Variants in RASGRP3 observed in about 807,000 individuals in gnomAD.
RASGRP3 encodes ras guanyl-releasing protein 3.
Under a neutral mutation model 82.7 loss-of-function variants are expected in RASGRP3, and 54 were observed. The observed-to-expected ratio is 0.65, with a 90% CI of 0.52 to 0.82. The LOEUF (loss-of-function observed/expected upper bound fraction) is 0.82. Among genes scored for constraint, RASGRP3 ranks in the 40% least tolerant of loss-of-function variants. RASGRP3 has a pLI of 0.00. For missense variants in RASGRP3, 861 were observed against 828.9 expected, an observed-to-expected ratio of 1.04 and a Z score of -0.48; for synonymous variants, 309 against 300.5, an observed-to-expected ratio of 1.03 and a Z score of -0.29.
At chr2:33,560,840 C>T (rs1676569848) in intron 17 of RASGRP3, among the ~76,000 whole-genome samples, 1 of 152,194 alleles carries the variant, frequency 6.6e-6, no homozygotes, top group South Asian at 2.1e-4. Flanking sequence ...TTACTATTGG[C>T]CTCTCACAGT....
chr2:33,484,788 A>G (rs1356194100), intron 1 of RASGRP3, among the ~76,000 whole-genome samples: 1 of 152,234 alleles, frequency 6.6e-6, no homozygotes, highest in African/African-American at 2.4e-5. Context: ...TAGAGAAGTC[A>G]TATACCTTGT....
chr2:33,442,609 A>G (rs1665286343), intron 1 of RASGRP3, among the ~76,000 whole-genome samples: 1 of 152,218 alleles, frequency 6.6e-6, no homozygotes. Flanking sequence ...AGCATAATCC[A>G]TTGTAATGGA....
intron 2 of RASGRP3, among the ~76,000 whole-genome samples, chr2:33,514,762 CA>C (rs1359839579): frequency 6.6e-6 from 1 of 152,020 alleles, no homozygotes; most frequent in East Asian, 1.9e-4. Flanking sequence ...TAAAAAATTT[CA>C]GCAGTGAAGT....
intron 14 of RASGRP3, among the ~76,000 whole-genome samples, chr2:33,552,590 G>C (rs541376018): frequency 3.2e-4 from 49 of 152,228 alleles, no homozygotes; most frequent in African/African-American, 1.1e-3. Flanking sequence ...CTATAGATGT[G>C]TCATTGAAAG....
chr2:33,511,910 A>T (rs1670963946), intron 2 of RASGRP3, 68 bp downstream of exon 2: 2 of 152,638 alleles, frequency 1.3e-5, no homozygotes, highest in African/African-American at 4.8e-5. Context: ...TGCCTAGAGA[A>T]ACTAAAAGAA....
intron 3 of RASGRP3, among the ~76,000 whole-genome samples, chr2:33,515,407 G>A (rs1041328066): frequency 6.6e-6 from 1 of 152,092 alleles, no homozygotes; most frequent in South Asian, 2.1e-4. Flanking sequence ...TCATACCCCA[G>A]TCAAACTGTC....
intron 2 of RASGRP3, among the ~76,000 whole-genome samples, chr2:33,512,054 G>T (rs989974639): frequency 1.3e-5 from 2 of 152,202 alleles, no homozygotes; most frequent in Non-Finnish European, 2.9e-5. Context: ...AAAGGTAGTT[G>T]TAGACACAAT....
intron 1 of RASGRP3, among the ~76,000 whole-genome samples, chr2:33,501,123 C>T (rs950847491): frequency 2.6e-5 from 4 of 152,132 alleles, no homozygotes; most frequent in Non-Finnish European, 2.9e-5. Flanking sequence ...TCCTTTCTGT[C>T]GCTATAGATT....
intron 11 of RASGRP3, among the ~76,000 whole-genome samples, chr2:33,535,403 A>G (rs1673510331): frequency 6.6e-6 from 1 of 152,256 alleles, no homozygotes; most frequent in Admixed American, 6.5e-5. Flanking sequence ...CTTGCTTCTT[A>G]TAATCACATC....
intron 13 of RASGRP3, 142 bp from the exon 14 acceptor site, chr2:33,549,462 C>T: frequency 1.2e-6 from 1 of 810,396 alleles, no homozygotes. Flanking sequence ...AGGTTTGCTC[C>T]TTCTCTGAGA....
intron 14 of RASGRP3, 62 bp downstream of exon 14, chr2:33,549,813 T>C (rs1675199000): frequency 4.6e-6 from 7 of 1,526,132 alleles, no homozygotes; most frequent in Middle Eastern, 1.7e-4. Context: ...TCTGAAAAAG[T>C]AGGAAAATGA....
chr2:33,484,308 G>T (rs1240739167), intron 1 of RASGRP3, among the ~76,000 whole-genome samples: 1 of 152,160 alleles, frequency 6.6e-6, no homozygotes, highest in African/African-American at 2.4e-5. Context: ...AGTTAATATA[G>T]ATTTCTGGAG....
At chr2:33,542,847 C>T (rs942538521) in intron 12 of RASGRP3, among the ~76,000 whole-genome samples, 2 of 152,054 alleles carry the variant, frequency 1.3e-5, no homozygotes, top group Admixed American at 1.3e-4. Context: ...CCATGCCCAG[C>T]TAATTTCTTA....
chr2:33,441,403 T>C (rs1665219134), intron 1 of RASGRP3, among the ~76,000 whole-genome samples: 1 of 152,194 alleles, frequency 6.6e-6, no homozygotes, highest in African/African-American at 2.4e-5. Context: ...GTCAACCTCC[T>C]CTCCTTGTCC....
intron 1 of RASGRP3, among the ~76,000 whole-genome samples, chr2:33,505,150 T>TCACCAC (rs1439892405): frequency 6.9e-6 from 1 of 145,080 alleles, no homozygotes; most frequent in African/African-American, 2.8e-5. Context: ...ATCATCATCA[T>TCACCAC]CATCACCACC....
chr2:33,546,704 G>A (rs1674795159), intron 13 of RASGRP3, among the ~76,000 whole-genome samples: 1 of 152,080 alleles, frequency 6.6e-6, no homozygotes, highest in Non-Finnish European at 1.5e-5. Context: ...CAACCTAAAT[G>A]CCCATCAATA....
At chr2:33,499,048 A>G (rs961993926) in intron 1 of RASGRP3, among the ~76,000 whole-genome samples, 16 of 152,210 alleles carry the variant, frequency 1.1e-4, no homozygotes, top group Non-Finnish European at 2.9e-5. Context: ...CTGTTAATAT[A>G]AAAGAAATAA....
chr2:33,522,307 G>C (rs774993473), intron 7 of RASGRP3, among the ~76,000 whole-genome samples: 1 of 152,114 alleles, frequency 6.6e-6, no homozygotes, highest in Non-Finnish European at 1.5e-5. Context: ...CTATATTTCT[G>C]TCGCTATTTT....
intron 1 of RASGRP3, among the ~76,000 whole-genome samples, chr2:33,494,550 C>T (rs746091230): frequency 3.2e-4 from 49 of 152,142 alleles, no homozygotes; most frequent in Non-Finnish European, 1.8e-4. Context: ...AGCTGTGACT[C>T]GTAGTCAACA....
Sources: allele counts gnomAD v4.1 joint callset (sites outside exome capture counted in the v4.1 genomes callset), GRCh38; gene constraint gnomAD v4.1.1; transcripts MANE v1.5; gene names NCBI Gene and HGNC (gene_info 2026-07-23, HGNC 2026-07-21).